Variants in RALGAPA1 observed in about 807,000 individuals in gnomAD.
The protein encoded by RALGAPA1 is ral GTPase-activating protein subunit alpha-1.
A neutral mutation model predicts 269.6 loss-of-function variants in RALGAPA1; 52 were observed. The ratio of observed to expected loss-of-function variants is 0.19; its 90% CI spans 0.15 to 0.24. RALGAPA1 has a LOEUF of 0.24. Ranked by LOEUF, RALGAPA1 falls within the 10% of genes least tolerant of loss-of-function variation. RALGAPA1 has a pLI of 1.00. For synonymous variants in RALGAPA1, 817 were observed against 1,008.3 expected (o/e 0.81, Z 3.60); for missense variants, 1,917 against 3,013.9 (o/e 0.64, Z 8.52).
chr14:35,609,321 G>GA (rs1478069275), intron 35 of RALGAPA1, among the ~76,000 whole-genome samples: 2 of 152,038 alleles, frequency 1.3e-5, no homozygotes, highest in Admixed American at 1.3e-4. Flanking sequence ...ACAATGGAAT[G>GA]AAAGTAGAAA....
At chr14:35,750,889 T>C (rs1189286786) in intron 8 of RALGAPA1, among the ~76,000 whole-genome samples, 199 bp from the exon 9 acceptor site, 2 of 152,192 alleles carry the variant, frequency 1.3e-5, no homozygotes, top group African/African-American at 2.4e-5. Context: ...ACCAGGATGA[T>C]ATGTGGAAAC....
chr14:35,563,625 A>G (rs1479278166), intron 39 of RALGAPA1, among the ~76,000 whole-genome samples: 1 of 152,236 alleles, frequency 6.6e-6, no homozygotes, highest in East Asian at 1.9e-4. Flanking sequence ...TTTAGTATAC[A>G]GATGTTTCTT....
At chr14:35,650,196 A>AC (rs913614458) in intron 31 of RALGAPA1, among the ~76,000 whole-genome samples, 13 of 151,400 alleles carry the variant, frequency 8.6e-5, no homozygotes, top group South Asian at 2.1e-4. Context: ...AGATGATGAG[A>AC]CCCCCCCGCC....
intron 14 of RALGAPA1, 95 bp from the exon 15 acceptor site, chr14:35,723,359 AGCAACATTTAAAATC>A: frequency 1.5e-6 from 1 of 668,234 alleles, no homozygotes; most frequent in Non-Finnish European, 2.5e-6. Context: ...CTTAAAAACA[AGCAACATTTAAAATC>A]GCATGCTTTT....
At chr14:35,645,549 T>C (rs537316404) in intron 31 of RALGAPA1, among the ~76,000 whole-genome samples, 34 of 151,884 alleles carry the variant, frequency 2.2e-4, no homozygotes, top group African/African-American at 8.0e-4. Context: ...GCTAACACGG[T>C]GAAACCCCGT....
At chr14:35,683,595 T>C in intron 21 of RALGAPA1, 1 of 430,216 alleles carries the variant, frequency 2.3e-6, no homozygotes, top group East Asian at 3.6e-5. Flanking sequence ...TTGCATAAAA[T>C]ACTACAAGTT....
intron 21 of RALGAPA1, among the ~76,000 whole-genome samples, chr14:35,679,881 T>C (rs1030530690): frequency 6.6e-6 from 1 of 152,182 alleles, no homozygotes; most frequent in Non-Finnish European, 1.5e-5. Context: ...TGAGTAATCA[T>C]ATGACCCTAT....
In RALGAPA1 at chr14:35,689,010, G is replaced by A; in HGVS notation, c.3401C>T (p.Thr1134Ile). The A allele has an allele frequency of 8.1e-7, 1 of 1,236,420 alleles. No homozygotes were observed. The highest frequency in any genetic ancestry group is 1.0e-6 in the Non-Finnish European group (1 of 990,494). The allele number at this position is 1,236,420 out of a possible 1,614,324, so 76.6% of individuals were successfully genotyped here. A position where few individuals can be genotyped will look rare whatever the true frequency, so the allele number is the denominator to read the frequency against. ...PTKRSLSETV[T>I]HRAKIMKIAT... ...AATTTTCATGATTTTGGCTCTATGA[G>A]TTACTGTTTCAGACAAGCTCCTTTT... The change falls in exon 18 of 42, where the codon ACT becomes ATT. Residue 1134 changes from threonine to isoleucine, a missense_variant. Physicochemically the swap from Thr to Ile is moderately conservative, Grantham distance 89. Around this residue, in one of 11 missense-constraint regions of RALGAPA1, gnomAD observed 615 missense variants for 790.0 expected, o/e 0.78. Coordinates refer to ENST00000680220, the MANE Select transcript of RALGAPA1 (RefSeq NM_001346249.2).
chr14:35,626,976 A>T, intron 34 of RALGAPA1, 114 bp downstream of exon 34: 1 of 1,089,372 alleles, frequency 9.2e-7, no homozygotes, highest in Non-Finnish European at 1.2e-6. Flanking sequence ...GAGTCAAAGA[A>T]CTAATTGGTA....
At chr14:35,722,974 G>C in intron 15 of RALGAPA1, 53 bp downstream of exon 15, 1 of 1,091,736 alleles carries the variant, frequency 9.2e-7, no homozygotes. Context: ...GGTTTTCCCT[G>C]ACTCAATTAT....
intron 1 of RALGAPA1, among the ~76,000 whole-genome samples, chr14:35,798,018 G>A (rs1016174616): frequency 1.4e-4 from 21 of 150,266 alleles, no homozygotes; most frequent in Non-Finnish European, 5.9e-5. Flanking sequence ...GATCACAGGC[G>A]GCTGCCACCA....
At chr14:35,579,575 T>G (rs2057814623) in intron 37 of RALGAPA1, among the ~76,000 whole-genome samples, 1 of 137,198 alleles carries the variant, frequency 7.3e-6, no homozygotes, top group Non-Finnish European at 1.5e-5. Context: ...GCCATTGCAC[T>G]CCAGTGTGGC....
rs749355980 is a variant in RALGAPA1, at chr14:35,677,992, C to T, written c.4582G>A (p.Glu1528Lys). Residue 1528 changes from glutamate to lysine, a missense_variant, in exon 22 of 42, where the codon GAG becomes AAG. Around this residue, in one of 11 missense-constraint regions of RALGAPA1, gnomAD observed 73 missense variants for 190.6 expected, o/e 0.38. Coordinates refer to ENST00000680220, the MANE Select transcript of RALGAPA1 (RefSeq NM_001346249.2). Reference sequence around the variant, plus strand: ...TGAAGAACAGAGTGGTGGAGCTTCTCGTCGAGCTGCAGATCCTTCTGTTCC... The same window carrying T: ...TGAAGAACAGAGTGGTGGAGCTTCTTGTCGAGCTGCAGATCCTTCTGTTCC... The part of the protein sequence containing the change: ...HMEQKDLQLD[E>K]KLHHSVLQTP... 1.6e-5 allele frequency: 26 copies of T among 1,613,496 alleles called. No homozygotes were observed. The East Asian group carries it at 2.5e-4, about 15-fold the overall frequency.
intron 31 of RALGAPA1, among the ~76,000 whole-genome samples, chr14:35,645,346 GGTGTGTGTGTGTGT>G (rs58039867): frequency 4.6e-4 from 59 of 129,488 alleles, no homozygotes; most frequent in Admixed American, 6.2e-4. Flanking sequence ...TATAGAGATG[GGTGTGTGTGTGTGT>G]GTGTGTGTGT....
chr14:35,760,954 T>C lies in RALGAPA1; in HGVS notation c.422A>G (p.Asn141Ser). Residue 141 changes from asparagine (N) to serine (S), a missense_variant, in exon 6 of 42, where the codon AAT (asparagine) becomes AGT (serine). This residue lies in a region of RALGAPA1 where 462 missense variants were observed against 725.6 expected (regional missense o/e 0.64). Coordinates refer to ENST00000680220, the MANE Select transcript of RALGAPA1 (RefSeq NM_001346249.2). ...LFLLWLQALQ[N>S]NCSKEQLWMF... The stretch of plus-strand genomic sequence containing the variant: ...CCAGAGCTGTTCTTTGCTACAGTTA[T>C]TCTGAAGAGCTTGCAACCATAGTAA... 1.2e-6 allele frequency: 2 copies of C among 1,611,082 alleles called. No homozygotes were observed. The highest frequency in any genetic ancestry group is 1.7e-6 in the Non-Finnish European group (2 of 1,178,130).
chr14:35,685,272 C>G, intron 19 of RALGAPA1, 127 bp from the exon 20 acceptor site: 1 of 801,198 alleles, frequency 1.2e-6, no homozygotes, highest in Non-Finnish European at 1.9e-6. Flanking sequence ...GAGTGGAGAA[C>G]ACACTCACCA....
chr14:35,596,475 A>T (rs2058937665), intron 36 of RALGAPA1, among the ~76,000 whole-genome samples: 1 of 152,148 alleles, frequency 6.6e-6, no homozygotes, highest in African/African-American at 2.4e-5. Context: ...GAAAATCGCC[A>T]GTATTTCCCT....
intron 41 of RALGAPA1, among the ~76,000 whole-genome samples, chr14:35,542,849 T>C (rs552749581): frequency 6.6e-6 from 1 of 152,312 alleles, no homozygotes; most frequent in East Asian, 1.9e-4. Context: ...ATATTGCACA[T>C]TGATTACAAT....
chr14:35,558,306 T>A lies in RALGAPA1; in HGVS notation c.7497-9072A>T, dbSNP rs1414373446. On this transcript the variant is annotated intron_variant, in intron 39 of 41. Coordinates refer to ENST00000680220, the MANE Select transcript of RALGAPA1 (RefSeq NM_001346249.2). ...TGCAGAAAGTTAATTTACATTTCTA[T>A]ACTAATATCGTTTATATGTATTCAG... Among the ~76,000 whole-genome samples, 4 of 152,352 alleles carry A rather than the reference T, an allele frequency of 2.6e-5. No individual in the cohort carries two copies. In the South Asian group the frequency reaches 8.3e-4, roughly 32 times the overall value.
Sources: allele counts gnomAD v4.1 joint callset (sites outside exome capture counted in the v4.1 genomes callset), GRCh38; gene constraint gnomAD v4.1.1; regional missense constraint gnomAD v4.1.1; transcripts MANE v1.5; gene names NCBI Gene and HGNC (gene_info 2026-07-23, HGNC 2026-07-21).